Variants in PPFIA2 observed in about 807,000 individuals in gnomAD.
PPFIA2 encodes the protein PPFI scaffold protein A2.
In PPFIA2, 46 loss-of-function variants were observed where a neutral mutation model predicts 175.5. The ratio of observed to expected loss-of-function variants is 0.26; its 90% CI spans 0.21 to 0.34. The LOEUF (loss-of-function observed/expected upper bound fraction) is 0.34. Ranked by LOEUF, PPFIA2 falls within the 10% of genes least tolerant of loss-of-function variation. The pLI, the probability that PPFIA2 is intolerant of heterozygous loss-of-function variation, is 1.00. For synonymous variants in PPFIA2, 568 were observed against 511.4 expected, an observed-to-expected ratio of 1.11 and a Z score of -1.49; for missense variants, 1,179 against 1,506.1, an observed-to-expected ratio of 0.78 and a Z score of 3.60.
At chr12:81,283,193 A>G (rs2042468221) in intron 25 of PPFIA2, among the ~76,000 whole-genome samples, 154 bp from the exon 26 acceptor site, 3 of 152,100 alleles carry the variant, frequency 2.0e-5, no homozygotes, top group Admixed American at 2.0e-4. Context: ...ACCCACAGTG[A>G]TCAATTTTGC....
At chr12:81,365,722 C>T (rs553738190) in intron 14 of PPFIA2, among the ~76,000 whole-genome samples, 49 of 151,800 alleles carry the variant, frequency 3.2e-4, no homozygotes, top group African/African-American at 1.1e-3. Context: ...TAAGAGGCTA[C>T]TAAAAATGTA....
intron 7 of PPFIA2, among the ~76,000 whole-genome samples, chr12:81,411,852 G>T (rs1169785249): frequency 6.6e-6 from 1 of 151,984 alleles, no homozygotes; most frequent in Non-Finnish European, 1.5e-5. Flanking sequence ...GGTGTTAACA[G>T]AAAAGAGAAA....
chr12:81,481,483 T>C (rs2058216594), intron 4 of PPFIA2, among the ~76,000 whole-genome samples: 1 of 152,092 alleles, frequency 6.6e-6, no homozygotes, highest in Non-Finnish European at 1.5e-5. Context: ...GCTACCTGAC[T>C]GCAAACGATG....
intron 24 of PPFIA2, among the ~76,000 whole-genome samples, chr12:81,289,181 C>A (rs2044255668): frequency 6.6e-6 from 1 of 151,780 alleles, no homozygotes; most frequent in African/African-American, 2.4e-5. Flanking sequence ...CAGTCCCTGA[C>A]AGTGAGCATT....
chr12:81,699,125 T>G (rs2076217188), intron 3 of PPFIA2, among the ~76,000 whole-genome samples: 1 of 152,060 alleles, frequency 6.6e-6, no homozygotes. Flanking sequence ...ATTAAAGAAA[T>G]TGTAAGAAAT....
chr12:81,523,126 G>A (rs1472350511), intron 4 of PPFIA2, among the ~76,000 whole-genome samples: 2 of 152,194 alleles, frequency 1.3e-5, no homozygotes, highest in Admixed American at 6.5e-5. Context: ...TCATGTGGCT[G>A]CTCCTGACAG....
chr12:81,732,512 T>TAA (rs1400131714), intron 3 of PPFIA2, among the ~76,000 whole-genome samples: 1 of 127,500 alleles, frequency 7.8e-6, no homozygotes, highest in South Asian at 2.5e-4. Flanking sequence ...ATGTTTTTTT[T>TAA]TAAAAAAAAA....
At chr12:81,666,088 G>A (rs1462956282) in intron 4 of PPFIA2, among the ~76,000 whole-genome samples, 2 of 152,012 alleles carry the variant, frequency 1.3e-5, no homozygotes, top group African/African-American at 4.8e-5. Context: ...TTAGAATGGT[G>A]ATCATTAAAA....
intron 6 of PPFIA2, among the ~76,000 whole-genome samples, chr12:81,445,223 G>GGAGGGA (rs2051031120): frequency 1.6e-5 from 1 of 62,774 alleles, no homozygotes; most frequent in African/African-American, 8.1e-5. Flanking sequence ...GGGGGAGGGG[G>GGAGGGA]GAGAGAGAGA....
At chr12:81,538,916 C>A (rs951994357) in intron 4 of PPFIA2, among the ~76,000 whole-genome samples, 1 of 151,788 alleles carries the variant, frequency 6.6e-6, no homozygotes, top group Non-Finnish European at 1.5e-5. Context: ...TGAGAACAGA[C>A]CATAGAGCGA....
intron 4 of PPFIA2, among the ~76,000 whole-genome samples, chr12:81,542,082 T>C (rs2066312186): frequency 6.6e-6 from 1 of 152,050 alleles, no homozygotes; most frequent in African/African-American, 2.4e-5. Flanking sequence ...CATTACCTTA[T>C]ATGGCAAAAT....
intron 4 of PPFIA2, among the ~76,000 whole-genome samples, chr12:81,484,441 G>A (rs1292798097): frequency 6.6e-6 from 1 of 151,740 alleles, no homozygotes; most frequent in Admixed American, 6.6e-5. Context: ...GGTGACTGTG[G>A]GAGGCAGAAA....
intron 4 of PPFIA2, among the ~76,000 whole-genome samples, chr12:81,490,870 A>G (rs1002060582): frequency 2.6e-5 from 4 of 151,922 alleles, no homozygotes; most frequent in African/African-American, 9.7e-5. Flanking sequence ...TTTGAAGCAT[A>G]CCTCGTCTAT....
chr12:81,368,436 G>A (rs2034166910), intron 13 of PPFIA2, among the ~76,000 whole-genome samples: 1 of 151,566 alleles, frequency 6.6e-6, no homozygotes, highest in African/African-American at 2.4e-5. Context: ...ACCAGGCAAA[G>A]GATATATAAA....
At chr12:81,312,154 A>G (rs2051090011) in intron 22 of PPFIA2, 5 of 1,535,060 alleles carry the variant, frequency 3.3e-6, no homozygotes, top group Admixed American at 2.0e-5. Context: ...TTGTGATTCA[A>G]CTTACCCAGA....
chr12:81,742,719 G>T (rs1568093670), intron 3 of PPFIA2, among the ~76,000 whole-genome samples: 1 of 152,132 alleles, frequency 6.6e-6, no homozygotes, highest in East Asian at 1.9e-4. Context: ...GATAGAAAAA[G>T]ACAAGGTTCA....
intron 7 of PPFIA2, among the ~76,000 whole-genome samples, chr12:81,411,969 G>C (rs1352874166): frequency 6.6e-6 from 1 of 151,896 alleles, no homozygotes; most frequent in Non-Finnish European, 1.5e-5. Flanking sequence ...ATATCTGGGA[G>C]AATAACTTTC....
At chr12:81,387,198 T>C (rs1358697458) in intron 8 of PPFIA2, among the ~76,000 whole-genome samples, 1 of 152,168 alleles carries the variant, frequency 6.6e-6, no homozygotes, top group African/African-American at 2.4e-5. Flanking sequence ...GTATTTGTGC[T>C]ATCTCCAACT....
intron 22 of PPFIA2, chr12:81,312,514 C>T (rs975269894): frequency 1.4e-5 from 4 of 277,904 alleles, no homozygotes; most frequent in Non-Finnish European, 2.7e-5. Flanking sequence ...TACCTCAGGC[C>T]ACTTCCATGC....
Sources: allele counts gnomAD v4.1 joint callset (sites outside exome capture counted in the v4.1 genomes callset), GRCh38; gene constraint gnomAD v4.1.1; transcripts MANE v1.5; gene names NCBI Gene and HGNC (gene_info 2026-07-23, HGNC 2026-07-21).